SLC39A10: variants seen among roughly 807,000 people sequenced by gnomAD.
SLC39A10 encodes the protein solute carrier family 39 member 10, also known as zinc transporter ZIP10.
A neutral mutation model predicts 65.1 loss-of-function variants in SLC39A10; 13 were observed. That is an observed-to-expected ratio of 0.20 (90% confidence interval 0.13 to 0.32). SLC39A10 has a LOEUF of 0.32. Among genes scored for constraint, SLC39A10 ranks in the 10% least tolerant of loss-of-function variants. The probability of loss-of-function intolerance (pLI) is 1.00; values close to 1 mark genes in which losing one functional copy is unlikely to be tolerated. For synonymous variants in SLC39A10, 321 were observed against 342.2 expected (o/e 0.94, Z 0.68); for missense variants, 831 against 1,018.4 (o/e 0.82, Z 2.50).
intron 2 of SLC39A10, 123 bp from the exon 3 acceptor site, chr2:195,683,576 T>TA (rs1338049733): frequency 1.5e-6 from 1 of 688,952 alleles, no homozygotes; most frequent in African/African-American, 1.8e-5. Context: ...TTGTAATAGA[T>TA]ATCTATGTAT....
At position 195,639,697 on chromosome 2, in the gene SLC39A10, C is replaced by T. The variant is rs114194251; in HGVS notation, c.-12+33464C>T. ...CTCCTGGGTTCCAGCAATTCTCAACCTCCCGAGTAGCTGGGATTACAGGCG... is the reference window on the plus strand; with the variant it reads ...CTCCTGGGTTCCAGCAATTCTCAACTTCCCGAGTAGCTGGGATTACAGGCG... On this transcript the variant is annotated intron_variant, in intron 2 of 2. Transcript: ENST00000458054. 9.9e-3 allele frequency among the ~76,000 whole-genome samples: 1,509 copies of T among 152,266 alleles called. 27 individuals carry two copies. Among genetic ancestry groups the T allele is most frequent in the African/African-American group, 0.035 (1,457 of 41,546 alleles).
intron 2 of SLC39A10, among the ~76,000 whole-genome samples, chr2:195,649,956 C>G (rs1183703119): frequency 6.6e-6 from 1 of 152,170 alleles, no homozygotes; most frequent in Non-Finnish European, 1.5e-5. Flanking sequence ...CGTGTTTTCT[C>G]TTTTCTTAGA....
At chr2:195,645,181 T>G (rs1420035398) in intron 2 of SLC39A10, among the ~76,000 whole-genome samples, 1 of 151,878 alleles carries the variant, frequency 6.6e-6, no homozygotes, top group African/African-American at 2.4e-5. Flanking sequence ...AGTGCTGGGA[T>G]TATAGGCATG....
At position 195,692,376 on chromosome 2, in the gene SLC39A10, G is replaced by A. The variant is rs572791987; in HGVS notation, c.1216+8470G>A. On this transcript the variant is annotated intron_variant, in intron 3 of 9. Transcript: ENST00000359634. ...TTTTAAGATTTTTTTTTCTAGTTTT[G>A]TGAAGAATGATGATGGTATTTTGAT... Among the ~76,000 whole-genome samples, 78 of 151,808 alleles carry A rather than the reference G, an allele frequency of 5.1e-4. 1 individual carries two copies. Among genetic ancestry groups the A allele is most frequent in the African/African-American group, 1.8e-3 (76 of 41,390 alleles).
chr2:195,669,073 A>AG (rs1449884482), intron 1 of SLC39A10, among the ~76,000 whole-genome samples: 11 of 105,088 alleles, frequency 1.0e-4, no homozygotes, highest in Non-Finnish European at 2.3e-4. Flanking sequence ...ACTCCCTCTC[A>AG]GAAAAAAAAA....
At chr2:195,697,604 G>A (rs1283070490) in intron 3 of SLC39A10, among the ~76,000 whole-genome samples, 5 of 151,946 alleles carry the variant, frequency 3.3e-5, no homozygotes, top group South Asian at 2.1e-4. Context: ...TGGAATAGGC[G>A]TCAGTGTCTC....
chr2:195,633,870 G>A (rs1158885322), intron 2 of SLC39A10, among the ~76,000 whole-genome samples: 1 of 152,058 alleles, frequency 6.6e-6, no homozygotes, highest in Non-Finnish European at 1.5e-5. Flanking sequence ...GAGGCCATGG[G>A]TGGGAAAACA....
intron 2 of SLC39A10, among the ~76,000 whole-genome samples, chr2:195,614,016 A>G (rs1688154013): frequency 6.6e-6 from 1 of 152,204 alleles, no homozygotes; most frequent in Non-Finnish European, 1.5e-5. Context: ...AGACAAAGTT[A>G]CTGAGCTGTT....
intron 1 of SLC39A10, among the ~76,000 whole-genome samples, chr2:195,661,236 C>T (rs545858753): frequency 1.4e-4 from 21 of 151,914 alleles, no homozygotes; most frequent in African/African-American, 4.8e-4. Flanking sequence ...ATTTCAAACT[C>T]TTTTTTTTCT....
At chr2:195,652,498 G>A (rs1238422984), upstream of SLC39A10, among the ~76,000 whole-genome samples, 3 of 148,552 alleles carry the variant, frequency 2.0e-5, no homozygotes, top group Non-Finnish European at 3.0e-5. Flanking sequence ...GCAGTGAGCC[G>A]AGATCTCGCC....
In SLC39A10 at chr2:195,736,015, A is replaced by G. The variant is rs1654729936; in HGVS notation, c.*974A>G. 6.6e-6 allele frequency: 1 copy of G among 152,488 alleles called. No homozygotes were observed. The highest frequency in any genetic ancestry group is 2.4e-5 in the African/African-American group (1 of 41,444). The allele number at this position is 152,488 out of a possible 1,614,324, so 9.4% of individuals were successfully genotyped here. ...TTACCAGTTTGGCACTGGAACCAAGAGCACATGTCGTGGCTGGCTACAAGG... is the reference window on the plus strand; with the variant it reads ...TTACCAGTTTGGCACTGGAACCAAGGGCACATGTCGTGGCTGGCTACAAGG... On this transcript the variant is annotated 3_prime_UTR_variant, in exon 10 of 10. Coordinates refer to ENST00000359634, the MANE Select transcript of SLC39A10 (RefSeq NM_020342.3).
At chr2:195,628,647 A>G (rs1326827321) in intron 2 of SLC39A10, among the ~76,000 whole-genome samples, 3 of 152,234 alleles carry the variant, frequency 2.0e-5, no homozygotes, top group Non-Finnish European at 4.4e-5. Flanking sequence ...AAAAAGGATG[A>G]GGGTGAATGG....
chr2:195,687,374 G>A (rs547063615), intron 3 of SLC39A10, among the ~76,000 whole-genome samples: 31 of 152,186 alleles, frequency 2.0e-4, no homozygotes, highest in African/African-American at 6.7e-4. Flanking sequence ...TATGTTACCT[G>A]TGGATTATGA....
intron 1 of SLC39A10, among the ~76,000 whole-genome samples, chr2:195,664,502 GA>G (rs1689556656): frequency 6.6e-6 from 1 of 152,006 alleles, no homozygotes; most frequent in African/African-American, 2.4e-5. Context: ...ACATGAAAGG[GA>G]AAACATGATC....
chr2:195,695,235 G>T (rs1301000401), intron 3 of SLC39A10, among the ~76,000 whole-genome samples: 1 of 152,198 alleles, frequency 6.6e-6, no homozygotes, highest in Non-Finnish European at 1.5e-5. Context: ...GTAGAGATAG[G>T]CATGGCTGAG....
intron 3 of SLC39A10, among the ~76,000 whole-genome samples, chr2:195,698,311 T>TGG (rs914470212): frequency 7.2e-5 from 11 of 152,136 alleles, no homozygotes; most frequent in African/African-American, 2.4e-4. Flanking sequence ...TGGATGTTTT[T>TGG]AATTTTTTTC....
rs577952917 is a variant in SLC39A10, at chr2:195,736,476, T to TATC, written c.*1436_*1438dup. The TATC allele has an allele frequency of 3.4e-3, 560 of 163,504 alleles. 5 individuals carry two copies. The highest frequency in any genetic ancestry group is 3.4e-3 in the Non-Finnish European group (231 of 68,096). 10.1% of individuals were successfully genotyped at this position (163,504 alleles called of 1,614,324 possible). A position where few individuals can be genotyped will look rare whatever the true frequency, so the allele number is the denominator to read the frequency against. On this transcript the variant is annotated 3_prime_UTR_variant, in exon 10 of 10. Transcript: ENST00000359634. Reference sequence around the variant, plus strand: ...AACCAGTGTAGCTGCTGTAACAATCTATCTTATTGTTCAAATATATAAGAG... The same window carrying TATC: ...AACCAGTGTAGCTGCTGTAACAATCTATCATCTTATTGTTCAAATATATAAGAG...
intron 9 of SLC39A10, 41 bp from the exon 10 acceptor site, chr2:195,734,842 A>C (rs774896336): frequency 3.9e-6 from 6 of 1,527,148 alleles, no homozygotes; most frequent in Non-Finnish European, 5.3e-6. Flanking sequence ...TTTTGAGCAG[A>C]AGTATTATAC....
At chr2:195,719,734 C>G (rs1691955259) in intron 8 of SLC39A10, among the ~76,000 whole-genome samples, 1 of 151,284 alleles carries the variant, frequency 6.6e-6, no homozygotes, top group Non-Finnish European at 1.5e-5. Context: ...TCTCATGCCT[C>G]AAGCCTCCCA....
Sources: allele counts gnomAD v4.1 joint callset (sites outside exome capture counted in the v4.1 genomes callset), GRCh38; gene constraint gnomAD v4.1.1; transcripts MANE v1.5; gene names NCBI Gene and HGNC (gene_info 2026-07-23, HGNC 2026-07-21).